MARCHF1: variants seen among roughly 807,000 people sequenced by gnomAD.
MARCHF1 encodes the protein E3 ubiquitin-protein ligase MARCHF1.
In MARCHF1, 40 loss-of-function variants were observed where a neutral mutation model predicts 54.2. The ratio of observed to expected loss-of-function variants is 0.74; its 90% confidence interval spans 0.57 to 0.96. The LOEUF (loss-of-function observed/expected upper bound fraction) is 0.96, where lower values mean the gene tolerates loss of function less well. Among genes scored for constraint, MARCHF1 ranks in the 40% least tolerant of loss-of-function variants. The pLI is 0.00. For synonymous variants in MARCHF1, 236 were observed against 236.3 expected, an observed-to-expected ratio of 1.00 and a Z score of 0.01; for missense variants, 586 against 656.5, an observed-to-expected ratio of 0.89 and a Z score of 1.17.
At chr4:163,663,859 C>CT (rs906169325) in intron 5 of MARCHF1, among the ~76,000 whole-genome samples, 9 of 151,974 alleles carry the variant, frequency 5.9e-5, no homozygotes, top group Non-Finnish European at 1.0e-4. Context: ...ATATTAGCCT[C>CT]TTACTACTAG....
chr4:164,006,075 C>A (rs1026806391), intron 2 of MARCHF1, among the ~76,000 whole-genome samples: 1 of 150,724 alleles, frequency 6.6e-6, no homozygotes. Flanking sequence ...AACAAACAAA[C>A]AAAAAAACAA....
At chr4:164,350,736 C>G (rs886832817) in intron 1 of MARCHF1, among the ~76,000 whole-genome samples, 3 of 152,154 alleles carry the variant, frequency 2.0e-5, no homozygotes, top group African/African-American at 7.2e-5. Context: ...GAAGCCAGTT[C>G]AATAGTATTG....
intron 3 of MARCHF1, among the ~76,000 whole-genome samples, chr4:163,938,903 C>T (rs1751854809): frequency 1.3e-5 from 2 of 152,124 alleles, no homozygotes; most frequent in African/African-American, 2.4e-5. Context: ...GAAACCTACA[C>T]CATGATTCAA....
intron 1 of MARCHF1, among the ~76,000 whole-genome samples, chr4:164,290,656 A>G (rs1734264368): frequency 6.6e-6 from 1 of 152,054 alleles, no homozygotes; most frequent in African/African-American, 2.4e-5. Context: ...GTTTAAAGAT[A>G]AAATAAATGA....
intron 3 of MARCHF1, among the ~76,000 whole-genome samples, chr4:163,946,560 T>TA (rs1752030573): frequency 6.6e-6 from 1 of 152,204 alleles, no homozygotes; most frequent in Non-Finnish European, 1.5e-5. Context: ...AGACAGTTAT[T>TA]TTCATCTCCC....
chr4:164,172,516 G>A (rs1396130800), intron 1 of MARCHF1, among the ~76,000 whole-genome samples: 4 of 152,126 alleles, frequency 2.6e-5, no homozygotes, highest in African/African-American at 9.7e-5. Flanking sequence ...TACATACACA[G>A]AGATGCACAA....
chr4:164,354,256 C>G (rs1032102038), intron 1 of MARCHF1, among the ~76,000 whole-genome samples: 1 of 127,966 alleles, frequency 7.8e-6, no homozygotes, highest in Non-Finnish European at 1.7e-5. Context: ...CTCCCTAACT[C>G]ATTTTATGAG....
intron 4 of MARCHF1, among the ~76,000 whole-genome samples, chr4:163,755,139 T>C (rs936743139): frequency 2.6e-4 from 40 of 152,162 alleles, no homozygotes; most frequent in African/African-American, 9.7e-4. Context: ...AATGCAAAGA[T>C]AGCCCCTCAC....
chr4:164,327,517 G>T (rs1324037648), intron 1 of MARCHF1, among the ~76,000 whole-genome samples: 2 of 151,968 alleles, frequency 1.3e-5, no homozygotes, highest in Non-Finnish European at 1.5e-5. Context: ...GGAAAGAGAG[G>T]AAAAAAATAG....
At chr4:163,736,623 T>C (rs1746041336) in intron 4 of MARCHF1, among the ~76,000 whole-genome samples, 1 of 151,988 alleles carries the variant, frequency 6.6e-6, no homozygotes, top group Admixed American at 6.6e-5. Flanking sequence ...AAATGGGTAG[T>C]GATACCTAAA....
intron 2 of MARCHF1, among the ~76,000 whole-genome samples, chr4:164,100,573 T>C (rs1312537093): frequency 6.6e-6 from 1 of 152,262 alleles, no homozygotes; most frequent in East Asian, 1.9e-4. Flanking sequence ...GAAATGTCTT[T>C]GTTTTCAACA....
chr4:164,061,549 G>GGA (rs1325419614), intron 2 of MARCHF1, among the ~76,000 whole-genome samples: 4 of 95,080 alleles, frequency 4.2e-5, no homozygotes, highest in African/African-American at 8.3e-5. Flanking sequence ...GGGGAGGGGG[G>GGA]AGGGATAGCA....
chr4:164,245,039 A>G (rs1296903739), intron 1 of MARCHF1, among the ~76,000 whole-genome samples: 7 of 152,264 alleles, frequency 4.6e-5, no homozygotes, highest in East Asian at 3.9e-4. Flanking sequence ...ACAAGGAGGA[A>G]CTGGTACCAT....
intron 2 of MARCHF1, among the ~76,000 whole-genome samples, chr4:164,010,956 C>G (rs2110942110): frequency 6.6e-6 from 1 of 152,104 alleles, no homozygotes; most frequent in Middle Eastern, 3.4e-3. Context: ...GATATAAATC[C>G]ACAAATTTAC....
At chr4:163,566,931 G>A (rs1244860730) in intron 8 of MARCHF1, among the ~76,000 whole-genome samples, 1 of 152,112 alleles carries the variant, frequency 6.6e-6, no homozygotes, top group African/African-American at 2.4e-5. Context: ...CATAATTTGT[G>A]CTTTACTACG....
At chr4:163,700,483 C>T (rs934971645) in intron 5 of MARCHF1, among the ~76,000 whole-genome samples, 50 of 141,142 alleles carry the variant, frequency 3.5e-4, no homozygotes, top group Middle Eastern at 3.6e-3. Context: ...CCAGCTGGGG[C>T]GACAGAGTAA....
At chr4:164,311,537 C>T (rs2111427364) in intron 1 of MARCHF1, among the ~76,000 whole-genome samples, 1 of 152,154 alleles carries the variant, frequency 6.6e-6, no homozygotes, top group Non-Finnish European at 1.5e-5. Flanking sequence ...TTCTGAAAAG[C>T]AATACGACAT....
At chr4:163,725,005 A>T (rs939849967) in intron 4 of MARCHF1, among the ~76,000 whole-genome samples, 3 of 151,992 alleles carry the variant, frequency 2.0e-5, no homozygotes, top group African/African-American at 7.3e-5. Flanking sequence ...AGTGGGCTGC[A>T]CCTACTGTCC....
At chr4:164,365,818 A>G (rs1020289139) in intron 1 of MARCHF1, among the ~76,000 whole-genome samples, 4 of 152,040 alleles carry the variant, frequency 2.6e-5, no homozygotes, top group Non-Finnish European at 5.9e-5. Flanking sequence ...ACCTTTCTAT[A>G]TAAACAAGTA....
Sources: gnomAD v4.1 joint callset for allele counts (sites outside exome capture counted in the v4.1 genomes callset) on GRCh38, gnomAD v4.1.1 for gene constraint, MANE v1.5 for transcripts, NCBI Gene and HGNC (gene_info 2026-07-23, HGNC 2026-07-21) for gene names.